The following C9 variants were observed in gnomAD, a reference collection of about 807,000 sequenced individuals.
C9 encodes the protein complement C9, also known as complement component C9.
In C9, 63 loss-of-function variants were observed where a neutral mutation model predicts 65.4. The observed-to-expected ratio is 0.96, with a 90% CI of 0.79 to 1.19. The LOEUF (loss-of-function observed/expected upper bound fraction) is 1.19. Among genes scored for constraint, C9 ranks in the 50% most tolerant of loss-of-function variants. The probability of loss-of-function intolerance (pLI) is 0.00; values close to 1 mark genes in which losing one functional copy is unlikely to be tolerated. For missense variants in C9, 744 were observed against 670.1 expected (o/e 1.11, Z -1.22); for synonymous variants, 229 against 227.9 (o/e 1.00, Z -0.04).
intron 7 of C9, among the ~76,000 whole-genome samples, chr5:39,310,516 A>G (rs1013733343): frequency 6.6e-6 from 1 of 152,136 alleles, no homozygotes; most frequent in African/African-American, 2.4e-5. Flanking sequence ...TCTACCCATG[A>G]CAGACATTGA....
intron 1 of C9, among the ~76,000 whole-genome samples, chr5:39,362,106 C>A (rs1425523264): frequency 2.0e-5 from 3 of 152,198 alleles, no homozygotes; most frequent in Non-Finnish European, 4.4e-5. Context: ...CAGATGCTAT[C>A]ATTACCATTG....
Position 39,285,227 on chromosome 5 carries a change from G to T in C9, c.1652C>A (p.Pro551Gln). The T allele has an allele frequency of 6.2e-7, 1 of 1,612,606 alleles. No homozygotes were observed. Among genetic ancestry groups the T allele is most frequent in the Non-Finnish European group, 8.5e-7 (1 of 1,178,804 alleles). ...TTTTTCATTGGGGAACTCTAGGGCTGGCAATCCTAGAGAAAACAAATAAGT... is the reference window on the plus strand; with the variant it reads ...TTTTTCATTGGGGAACTCTAGGGCTTGCAATCCTAGAGAAAACAAATAAGT... ...ISKQKISEGL[P>Q]ALEFPNEK The change falls in exon 11 of 11, where the codon CCA (proline) becomes CAA (glutamine). Residue 551 changes from proline (P) to glutamine (Q), a missense_variant. Pro to Gln is a moderately conservative substitution (Grantham distance 76). Transcript: ENST00000263408.
intron 5 of C9, among the ~76,000 whole-genome samples, chr5:39,317,908 A>G (rs1005681921): frequency 1.3e-5 from 2 of 151,894 alleles, no homozygotes; most frequent in Non-Finnish European, 2.9e-5. Flanking sequence ...GTTTAATGGT[A>G]ATAGCATTGA....
At chr5:39,346,585 C>T (rs1754198861) in intron 1 of C9, among the ~76,000 whole-genome samples, 1 of 152,244 alleles carries the variant, frequency 6.6e-6, no homozygotes. Flanking sequence ...TGAATTCTAC[C>T]AGAGGTACAA....
At chr5:39,358,988 AAAATAAAT>A (rs1221889709) in intron 1 of C9, among the ~76,000 whole-genome samples, 1 of 132,936 alleles carries the variant, frequency 7.5e-6, no homozygotes, top group African/African-American at 3.0e-5. Flanking sequence ...CCATCTCAAA[AAAATAAAT>A]AAATAAATAA....
intron 1 of C9, among the ~76,000 whole-genome samples, chr5:39,355,084 T>C (rs1315107039): frequency 6.6e-6 from 1 of 152,230 alleles, no homozygotes; most frequent in East Asian, 1.9e-4. Context: ...GATGAATATG[T>C]TAACATTTTG....
chr5:39,331,110 T>C (rs1753831452), intron 5 of C9, among the ~76,000 whole-genome samples: 1 of 152,170 alleles, frequency 6.6e-6, no homozygotes, highest in African/African-American at 2.4e-5. Flanking sequence ...CTTTTAATGG[T>C]GGAGGGCTAC....
At chr5:39,348,020 C>G (rs1237946881) in intron 1 of C9, among the ~76,000 whole-genome samples, 2 of 150,034 alleles carry the variant, frequency 1.3e-5, no homozygotes, top group Non-Finnish European at 3.0e-5. Context: ...AAAATTAATT[C>G]AAGATGGATT....
At chr5:39,326,274 C>A (rs1440994176) in intron 5 of C9, among the ~76,000 whole-genome samples, 1 of 152,098 alleles carries the variant, frequency 6.6e-6, no homozygotes, top group Non-Finnish European at 1.5e-5. Flanking sequence ...AAATTTAAAC[C>A]CAGAGAATCT....
At chr5:39,333,615 A>ACGG (rs1753887762) in intron 4 of C9, among the ~76,000 whole-genome samples, 5 of 107,964 alleles carry the variant, frequency 4.6e-5, no homozygotes, top group African/African-American at 1.2e-4. Flanking sequence ...TCCCCTTTCC[A>ACGG]TGGTCTCCCC....
intron 9 of C9, among the ~76,000 whole-genome samples, chr5:39,300,479 T>G (rs985863100): frequency 1.3e-5 from 2 of 151,856 alleles, no homozygotes; most frequent in African/African-American, 2.4e-5. Context: ...TCATCACATT[T>G]GATTTAAAAA....
intron 9 of C9, among the ~76,000 whole-genome samples, chr5:39,291,401 G>T (rs528442409): frequency 3.3e-5 from 5 of 151,766 alleles, no homozygotes; most frequent in Non-Finnish European, 7.4e-5. Flanking sequence ...AAAAGGATAG[G>T]ATATACAGAA....
chr5:39,348,988 A>G (rs1475013028), intron 1 of C9, among the ~76,000 whole-genome samples: 1 of 76,318 alleles, frequency 1.3e-5, no homozygotes, highest in Non-Finnish European at 2.4e-5. Flanking sequence ...ACTTGGACAC[A>G]GGGTGGGGAA....
At chr5:39,301,605 T>G (rs1268346494) in intron 9 of C9, among the ~76,000 whole-genome samples, 2 of 152,134 alleles carry the variant, frequency 1.3e-5, no homozygotes, top group Non-Finnish European at 2.9e-5. Context: ...ATATTACTTC[T>G]GCAATACTAC....
intron 1 of C9, among the ~76,000 whole-genome samples, chr5:39,348,269 C>T (rs1464827882): frequency 1.3e-5 from 2 of 152,078 alleles, no homozygotes; most frequent in African/African-American, 4.8e-5. Context: ...GCAATCTACT[C>T]ATCTGACAAA....
chr5:39,310,303 A>G (rs1282025498), intron 7 of C9, among the ~76,000 whole-genome samples: 1 of 152,150 alleles, frequency 6.6e-6, no homozygotes, highest in African/African-American at 2.4e-5. Flanking sequence ...CCTCCCTAAG[A>G]GACACACCTA....
intron 6 of C9, among the ~76,000 whole-genome samples, chr5:39,312,704 T>A (rs1355181995): frequency 6.6e-6 from 1 of 152,138 alleles, no homozygotes; most frequent in Non-Finnish European, 1.5e-5. Flanking sequence ...CACCCACAAT[T>A]TTGCAAATGG....
chr5:39,293,021 T>C lies in C9; in HGVS notation c.1417-4070A>G, dbSNP rs564691179. On this transcript the variant is annotated intron_variant, in intron 9 of 10. Coordinates refer to ENST00000263408, the MANE Select transcript of C9 (RefSeq NM_001737.5). ...TTTAACTGAAATGTTAAAGGGAGAGTGCTGGAGTTCAGGGGGAAGCAGAAA... is the reference window on the plus strand; with the variant it reads ...TTTAACTGAAATGTTAAAGGGAGAGCGCTGGAGTTCAGGGGGAAGCAGAAA... Among the ~76,000 whole-genome samples the C allele has an allele frequency of 2.7e-5, 4 of 150,178 alleles. No individual in the cohort carries two copies. The South Asian group carries it at 8.4e-4, about 32-fold the overall frequency.
At chr5:39,322,867 A>T (rs1188447621) in intron 5 of C9, among the ~76,000 whole-genome samples, 3 of 152,128 alleles carry the variant, frequency 2.0e-5, no homozygotes, top group African/African-American at 7.2e-5. Flanking sequence ...GATTTAAATT[A>T]TACTGGAGGC....
Sources: allele counts gnomAD v4.1 joint callset (sites outside exome capture counted in the v4.1 genomes callset), GRCh38; gene constraint gnomAD v4.1.1; transcripts MANE v1.5; gene names NCBI Gene and HGNC (gene_info 2026-07-23, HGNC 2026-07-21).